TAFA2: variants seen among roughly 807,000 people sequenced by gnomAD.
TAFA2 encodes the protein chemokine-like protein TAFA-2.
TAFA2 carries 7 observed loss-of-function variants against 18.8 expected under a neutral mutation model. The observed-to-expected ratio is 0.37, with a 90% confidence interval of 0.21 to 0.70. TAFA2 has a LOEUF of 0.70. Among genes scored for constraint, TAFA2 ranks in the 30% least tolerant of loss-of-function variants. TAFA2 has a pLI of 0.53. For missense variants in TAFA2, 122 were observed against 158.1 expected, an observed-to-expected ratio of 0.77 and a Z score of 1.23; for synonymous variants, 60 against 54.2, an observed-to-expected ratio of 1.11 and a Z score of -0.47.
chr12:61,797,125 A>G (rs1356545421), intron 2 of TAFA2, among the ~76,000 whole-genome samples: 1 of 152,192 alleles, frequency 6.6e-6, no homozygotes. Context: ...CAATTAGCCT[A>G]TTTAGTCCAA....
intron 1 of TAFA2, among the ~76,000 whole-genome samples, chr12:61,884,783 G>A (rs867762443): frequency 1.3e-5 from 2 of 151,876 alleles, no homozygotes; most frequent in African/African-American, 4.8e-5. Context: ...ACTATGATGA[G>A]GGTTACAATA....
chr12:61,831,885 G>A (rs1161986664), intron 2 of TAFA2, among the ~76,000 whole-genome samples: 3 of 151,984 alleles, frequency 2.0e-5, no homozygotes, highest in East Asian at 1.9e-4. Flanking sequence ...GGTGTGTGAT[G>A]ATCCCCTTTG....
intron 1 of TAFA2, among the ~76,000 whole-genome samples, chr12:62,132,518 A>C (rs1870732100): frequency 6.6e-6 from 1 of 151,938 alleles, no homozygotes; most frequent in East Asian, 1.9e-4. Context: ...CTCTATACTA[A>C]ATTTTTTTAA....
chr12:61,891,824 G>T (rs1382180787), intron 1 of TAFA2, among the ~76,000 whole-genome samples: 2 of 152,074 alleles, frequency 1.3e-5, no homozygotes, highest in African/African-American at 2.4e-5. Flanking sequence ...CCTGGCAGAA[G>T]TCAGTCCACA....
At chr12:61,857,589 G>A (rs1189320312) in intron 2 of TAFA2, among the ~76,000 whole-genome samples, 1 of 152,146 alleles carries the variant, frequency 6.6e-6, no homozygotes, top group East Asian at 1.9e-4. Flanking sequence ...AGGCTGCTCT[G>A]CCAGCTGGCT....
chr12:61,813,092 G>A (rs944024346), intron 2 of TAFA2, among the ~76,000 whole-genome samples: 6 of 151,046 alleles, frequency 4.0e-5, no homozygotes, highest in African/African-American at 1.5e-4. Context: ...TCCATCAATT[G>A]GCTAGATCAT....
In TAFA2 at chr12:61,953,145, T is replaced by A. The variant is rs114125867; in HGVS notation, c.-1-85719A>T. On this transcript the variant is annotated intron_variant, in intron 1 of 4. Transcript: ENST00000416284. ...AGGTGAAGAGAAGCAATAATAGTCA[T>A]TGAGCCAGTTCAGTGTCCTGAGAAC... Among the ~76,000 whole-genome samples, 836 of 152,186 alleles carry A rather than the reference T, an allele frequency of 5.5e-3. 10 individuals are homozygous for A. Among genetic ancestry groups the A allele is most frequent in the African/African-American group, 0.019 (787 of 41,534 alleles).
rs146801763 is a variant in TAFA2, at chr12:62,257,178, G to A, written c.-130+1585C>T. ...TACATATATATGTGTGTGTGTGTGT[G>A]TGTGTGTGTGTGTGTGTGTGTGTGA... On this transcript the variant is annotated intron_variant, in intron 1 of 5. Transcript: ENST00000551619. 8.5e-3 allele frequency among the ~76,000 whole-genome samples: 85 copies of A among 9,986 alleles called. 1 individual carries two copies. The highest frequency in any genetic ancestry group is 0.12 in the Middle Eastern group (1 of 8). 6.6% of individuals were successfully genotyped at this position (9,986 alleles called of 152,430 possible).
chr12:62,111,254 C>T (rs1484247147), intron 1 of TAFA2, among the ~76,000 whole-genome samples: 1 of 152,214 alleles, frequency 6.6e-6, no homozygotes, highest in Non-Finnish European at 1.5e-5. Flanking sequence ...ACCCAGTAGT[C>T]ATTCAGGACC....
chr12:61,877,920 T>TACACACAC (rs1291038538), intron 1 of TAFA2, among the ~76,000 whole-genome samples: 24,505 of 141,192 alleles, frequency 0.17, 2,095 homozygotes, highest in South Asian at 0.27. Flanking sequence ...TATATATATA[T>TACACACAC]ATATACACAC....
In TAFA2 at chr12:62,017,734, T is replaced by C. The variant is rs114172452; in HGVS notation, c.-1-150308A>G. Among the ~76,000 whole-genome samples, 1,177 of 152,290 alleles carry C rather than the reference T, an allele frequency of 7.7e-3. 15 individuals carry two copies. Among genetic ancestry groups the C allele is most frequent in the African/African-American group, 0.027 (1,126 of 41,576 alleles). On this transcript the variant is annotated intron_variant, in intron 1 of 4. Transcript: ENST00000416284. ...GTTCCTCTTGTTTTTCACATCAATA[T>C]AGCATATATTTTTATAAACAGCTGT...
chr12:61,956,699 A>G (rs1272741843), intron 1 of TAFA2, among the ~76,000 whole-genome samples: 1 of 151,724 alleles, frequency 6.6e-6, no homozygotes, highest in African/African-American at 2.4e-5. Flanking sequence ...TTTAATTGCT[A>G]AGTTCACAGG....
At position 62,240,494 on chromosome 12, in the gene TAFA2, T is replaced by C. The variant is rs149132757; in HGVS notation, c.-130+18269A>G. 6.8e-4 allele frequency among the ~76,000 whole-genome samples: 103 copies of C among 152,260 alleles called. No individual in the cohort carries two copies. In the South Asian group the frequency reaches 0.014, roughly 20 times the overall value. ...ATGTAGTTTGTTGTATGGTTTATAA[T>C]TGTAATGCTCACATATGCTTTTAAA... On this transcript the variant is annotated intron_variant, in intron 1 of 5. Coordinates refer to the TAFA2 transcript ENST00000551619.
chr12:62,076,762 A>C (rs985553504), intron 1 of TAFA2, among the ~76,000 whole-genome samples: 3 of 152,226 alleles, frequency 2.0e-5, no homozygotes, highest in African/African-American at 7.2e-5. Flanking sequence ...CACAAAGCAC[A>C]AGGAAGAAAG....
chr12:62,249,534 C>T (rs2062902391), intron 1 of TAFA2, among the ~76,000 whole-genome samples: 1 of 152,164 alleles, frequency 6.6e-6, no homozygotes, highest in East Asian at 1.9e-4. Flanking sequence ...TTTCCTCTCT[C>T]ACCATGTGAT....
intron 1 of TAFA2, among the ~76,000 whole-genome samples, chr12:61,902,377 A>G (rs1592472424): frequency 6.6e-6 from 1 of 152,306 alleles, no homozygotes; most frequent in Non-Finnish European, 1.5e-5. Flanking sequence ...CAGATTTAAA[A>G]ATATCATAGA....
rs147486766 is a variant in TAFA2, at chr12:62,121,295, T to C, written c.-2+69964A>G. On this transcript the variant is annotated intron_variant, in intron 1 of 4. Transcript: ENST00000416284. ...CCTGCCGGGGGAGTGAGTATCATCA[T>C]AAGGCTTTCAAGTCAGATATTTAAA... Among the ~76,000 whole-genome samples the C allele has an allele frequency of 2.6e-5, 4 of 152,216 alleles. No homozygotes were observed. The East Asian group carries it at 5.8e-4, about 22-fold the overall frequency.
chr12:61,910,627 C>A (rs1181832033), intron 1 of TAFA2, among the ~76,000 whole-genome samples: 1 of 152,158 alleles, frequency 6.6e-6, no homozygotes, highest in Admixed American at 6.5e-5. Context: ...TATAACACAA[C>A]CATGAGAAAC....
At chr12:62,089,973 G>A (rs1241311157) in intron 1 of TAFA2, among the ~76,000 whole-genome samples, 1 of 151,992 alleles carries the variant, frequency 6.6e-6, no homozygotes, top group Non-Finnish European at 1.5e-5. Flanking sequence ...AAATTAAGCT[G>A]AATAACACTG....
Sources: gnomAD v4.1 joint callset for allele counts (sites outside exome capture counted in the v4.1 genomes callset) on GRCh38, gnomAD v4.1.1 for gene constraint, MANE v1.5 for transcripts, NCBI Gene and HGNC (gene_info 2026-07-23, HGNC 2026-07-21) for gene names.